Variants in ARHGAP28 observed in about 807,000 individuals in gnomAD.
ARHGAP28 encodes Rho GTPase activating protein 28, also known as rho GTPase-activating protein 28.
In ARHGAP28, 56 loss-of-function variants were observed where a neutral mutation model predicts 90.7. The observed-to-expected ratio is 0.62, with a 90% confidence interval of 0.50 to 0.77. ARHGAP28 has a LOEUF of 0.77. Among genes scored for constraint, ARHGAP28 ranks in the 30% least tolerant of loss-of-function variants. The probability of loss-of-function intolerance (pLI) is 0.00; values close to 1 mark genes in which losing one functional copy is unlikely to be tolerated. For synonymous variants in ARHGAP28, 308 were observed against 323.3 expected (o/e 0.95, Z 0.51); for missense variants, 869 against 900.9 (o/e 0.96, Z 0.45).
intron 9 of ARHGAP28, 57 bp downstream of exon 9, chr18:6,873,832 A>G: frequency 7.1e-7 from 1 of 1,404,946 alleles, no homozygotes; most frequent in East Asian, 2.4e-5. Flanking sequence ...ATGATTTGGC[A>G]CTTTGTAAAC....
chr18:6,759,571 A>G (rs1303539357), intron 1 of ARHGAP28, among the ~76,000 whole-genome samples: 1 of 152,242 alleles, frequency 6.6e-6, no homozygotes, highest in African/African-American at 2.4e-5. Context: ...AAGAATTTAA[A>G]ATACGCTGGA....
At chr18:6,886,933 G>T (rs566553626) in intron 11 of ARHGAP28, among the ~76,000 whole-genome samples, 230 of 152,264 alleles carry the variant, frequency 1.5e-3, no homozygotes, top group Non-Finnish European at 2.2e-3. Context: ...TGAGGATCTC[G>T]TTGGCCACCT....
chr18:6,844,805 T>C (rs1281836433), intron 3 of ARHGAP28, among the ~76,000 whole-genome samples: 1 of 151,932 alleles, frequency 6.6e-6, no homozygotes, highest in Non-Finnish European at 1.5e-5. Flanking sequence ...AATGAAAAAA[T>C]GCCCACTTAT....
In ARHGAP28 at chr18:6,841,195, CT is replaced by C. The variant is rs1378707073; in HGVS notation, c.543+3782del. Among the ~76,000 whole-genome samples the C allele has an allele frequency of 1.1e-3, 67 of 63,328 alleles. 1 individual carries two copies. The highest frequency in any genetic ancestry group is 1.1e-3 in the Non-Finnish European group (39 of 34,294). The allele number at this position is 63,328 out of a possible 152,430, so 41.5% of individuals were successfully genotyped here. A position where few individuals can be genotyped will look rare whatever the true frequency, so the allele number is the denominator to read the frequency against. On this transcript the variant is annotated intron_variant, in intron 3 of 17. Coordinates refer to ENST00000383472, the MANE Select transcript of ARHGAP28 (RefSeq NM_001366230.1). ...CTCTCTCTCTCCTCTCTCTCTCTCTCTCTCTCTCCTCTCCTCTCTCTCTCTC... is the reference window on the plus strand; with the variant it reads ...CTCTCTCTCTCCTCTCTCTCTCTCTCCTCTCTCCTCTCCTCTCTCTCTCTC...
chr18:6,880,137 G>T (rs542223353), intron 10 of ARHGAP28, among the ~76,000 whole-genome samples: 1 of 152,126 alleles, frequency 6.6e-6, no homozygotes, highest in Non-Finnish European at 1.5e-5. Context: ...GATGGGAAAT[G>T]CTTACTCCTC....
intron 7 of ARHGAP28, among the ~76,000 whole-genome samples, chr18:6,871,014 A>G (rs2057083463): frequency 6.6e-6 from 1 of 152,124 alleles, no homozygotes; most frequent in Admixed American, 6.5e-5. Context: ...GTTAGCCAGG[A>G]TGGTCTCGAT....
intron 1 of ARHGAP28, among the ~76,000 whole-genome samples, chr18:6,796,679 A>G (rs1486320687): frequency 6.6e-6 from 1 of 152,148 alleles, no homozygotes; most frequent in African/African-American, 2.4e-5. Flanking sequence ...CATTATTACA[A>G]CATCCTATGG....
intron 2 of ARHGAP28, among the ~76,000 whole-genome samples, chr18:6,825,749 C>T (rs183167391): frequency 5.3e-5 from 8 of 152,264 alleles, no homozygotes; most frequent in Admixed American, 2.6e-4. Context: ...GGATTATGGC[C>T]ACCAGCTCCA....
At chr18:6,793,332 T>G (rs1043941167) in intron 1 of ARHGAP28, among the ~76,000 whole-genome samples, 1 of 152,192 alleles carries the variant, frequency 6.6e-6, no homozygotes, top group Non-Finnish European at 1.5e-5. Flanking sequence ...GCTCCTCTAA[T>G]AATTCTCTGA....
chr18:6,737,776 T>G (rs766156888), intron 1 of ARHGAP28, among the ~76,000 whole-genome samples: 2 of 152,202 alleles, frequency 1.3e-5, no homozygotes, highest in Non-Finnish European at 2.9e-5. Context: ...AAACTTCAAG[T>G]TGCATTAGTC....
At chr18:6,854,571 A>G (rs11081279) in intron 4 of ARHGAP28, among the ~76,000 whole-genome samples, 28,391 of 152,062 alleles carry the variant, frequency 0.19, 4,580 homozygotes, top group African/African-American at 0.43. Context: ...ATAGCTCCTA[A>G]ATTTTATTGA....
chr18:6,791,860 G>GTTTT (rs1182791658), intron 1 of ARHGAP28, among the ~76,000 whole-genome samples: 6 of 147,448 alleles, frequency 4.1e-5, no homozygotes, highest in African/African-American at 1.5e-4. Context: ...TTGTTTGTTT[G>GTTTT]TTTGTTTTTT....
chr18:6,735,555 GTTTTTT>G (rs35656127), intron 1 of ARHGAP28, among the ~76,000 whole-genome samples: 1 of 135,846 alleles, frequency 7.4e-6, no homozygotes. Context: ...AGGTTATGCT[GTTTTTT>G]TTTTTTTTTT....
At chr18:6,875,053 T>C (rs774034443) in intron 9 of ARHGAP28, 1 of 152,230 alleles carries the variant, frequency 6.6e-6, no homozygotes. Context: ...GCATTGTCTT[T>C]GTCCTGTATG....
intron 10 of ARHGAP28, among the ~76,000 whole-genome samples, chr18:6,880,575 C>T (rs1476175028): frequency 8.5e-5 from 13 of 152,232 alleles, no homozygotes; most frequent in South Asian, 2.1e-4. Context: ...TTAGCACTGG[C>T]GCTCGCTGCT....
At chr18:6,859,369 C>T (rs1600255202) in intron 4 of ARHGAP28, among the ~76,000 whole-genome samples, 1 of 152,184 alleles carries the variant, frequency 6.6e-6, no homozygotes, top group East Asian at 1.9e-4. Flanking sequence ...ACATGCCTGG[C>T]AGCTCCAGGC....
chr18:6,753,798 G>A (rs1352406083), intron 1 of ARHGAP28, among the ~76,000 whole-genome samples: 2 of 152,176 alleles, frequency 1.3e-5, no homozygotes, highest in East Asian at 1.9e-4. Context: ...TTTACCCCTC[G>A]CATACCAATT....
intron 3 of ARHGAP28, among the ~76,000 whole-genome samples, chr18:6,839,399 T>C (rs187199204): frequency 0.029 from 4,315 of 151,026 alleles, 79 homozygotes; most frequent in Non-Finnish European, 0.043. Flanking sequence ...GTTCACGCCA[T>C]TCTCCCCCCT....
chr18:6,814,334 G>A (rs1600209673), intron 1 of ARHGAP28, among the ~76,000 whole-genome samples: 2 of 152,222 alleles, frequency 1.3e-5, no homozygotes, highest in South Asian at 2.1e-4. Flanking sequence ...GCCCACATGG[G>A]ACACCAAGCA....
Sources: allele counts gnomAD v4.1 joint callset (sites outside exome capture counted in the v4.1 genomes callset), GRCh38; gene constraint gnomAD v4.1.1; transcripts MANE v1.5; gene names NCBI Gene and HGNC (gene_info 2026-07-23, HGNC 2026-07-21).